The following CFAP299 variants were observed in gnomAD, a reference collection of about 807,000 sequenced individuals.
CFAP299 encodes cilia- and flagella-associated protein 299.
Under a neutral mutation model 27.0 loss-of-function variants are expected in CFAP299, and 21 were observed. That is an observed-to-expected ratio of 0.78 (90% CI 0.55 to 1.12). The LOEUF (loss-of-function observed/expected upper bound fraction) is 1.12. Among genes scored for constraint, CFAP299 ranks in the 50% most tolerant of loss-of-function variants. CFAP299 has a pLI of 0.00. For missense variants in CFAP299, 310 were observed against 276.6 expected (o/e 1.12, Z -0.86); for synonymous variants, 104 against 98.1 (o/e 1.06, Z -0.36).
At chr4:80,677,632 T>A (rs908073297) in intron 3 of CFAP299, among the ~76,000 whole-genome samples, 1 of 152,056 alleles carries the variant, frequency 6.6e-6, no homozygotes, top group Non-Finnish European at 1.5e-5. Context: ...AGAATTGGCA[T>A]TGACGGAAAA....
intron 3 of CFAP299, among the ~76,000 whole-genome samples, chr4:80,698,574 T>A (rs1194315003): frequency 6.6e-6 from 1 of 152,224 alleles, no homozygotes; most frequent in Non-Finnish European, 1.5e-5. Flanking sequence ...TCACAATATA[T>A]CCTGCAAAAT....
chr4:80,446,540 C>A (rs1248086463), intron 2 of CFAP299, among the ~76,000 whole-genome samples: 1 of 152,190 alleles, frequency 6.6e-6, no homozygotes, highest in Non-Finnish European at 1.5e-5. Flanking sequence ...TTATCCTTTT[C>A]ACTGTCATTT....
At chr4:80,614,309 C>G (rs1044674356) in intron 3 of CFAP299, among the ~76,000 whole-genome samples, 1 of 152,092 alleles carries the variant, frequency 6.6e-6, no homozygotes, top group Non-Finnish European at 1.5e-5. Context: ...TGAAAGTGTC[C>G]TAAGAGGTGA....
At chr4:80,861,205 C>A (rs1732326935) in intron 3 of CFAP299, among the ~76,000 whole-genome samples, 1 of 152,184 alleles carries the variant, frequency 6.6e-6, no homozygotes, top group Non-Finnish European at 1.5e-5. Context: ...GGTGTAGGAC[C>A]CTCCGAGCCA....
At chr4:80,851,573 G>A (rs1468477222) in intron 3 of CFAP299, among the ~76,000 whole-genome samples, 1 of 152,124 alleles carries the variant, frequency 6.6e-6, no homozygotes, top group Admixed American at 6.6e-5. Flanking sequence ...GAACATCAGG[G>A]TATTTGGGCA....
At chr4:80,759,313 C>T (rs1310275608) in intron 3 of CFAP299, among the ~76,000 whole-genome samples, 2 of 152,076 alleles carry the variant, frequency 1.3e-5, no homozygotes, top group Non-Finnish European at 2.9e-5. Context: ...ACAATAACTA[C>T]ATGGCAAAAT....
At chr4:80,957,113 A>C (rs552354373) in intron 5 of CFAP299, among the ~76,000 whole-genome samples, 125 of 152,270 alleles carry the variant, frequency 8.2e-4, no homozygotes, top group African/African-American at 2.5e-3. Flanking sequence ...TGGTAGAATA[A>C]GGTTAGAATC....
intron 3 of CFAP299, among the ~76,000 whole-genome samples, chr4:80,688,182 C>A (rs1268672027): frequency 6.6e-6 from 1 of 152,242 alleles, no homozygotes; most frequent in Admixed American, 6.5e-5. Flanking sequence ...CAGAGTGGAA[C>A]CCACCACAGC....
chr4:80,787,970 G>A (rs763169952), intron 3 of CFAP299, among the ~76,000 whole-genome samples: 5 of 151,802 alleles, frequency 3.3e-5, no homozygotes, highest in Non-Finnish European at 5.9e-5. Context: ...CTAAGCTACC[G>A]GTTCTCAAAC....
At chr4:80,835,306 G>C (rs1730503102) in intron 3 of CFAP299, among the ~76,000 whole-genome samples, 1 of 151,946 alleles carries the variant, frequency 6.6e-6, no homozygotes, top group African/African-American at 2.4e-5. Context: ...CACCATGTTA[G>C]CCAGGGTGGT....
At chr4:80,848,072 G>A (rs999583364) in intron 3 of CFAP299, among the ~76,000 whole-genome samples, 1 of 151,944 alleles carries the variant, frequency 6.6e-6, no homozygotes, top group Non-Finnish European at 1.5e-5. Context: ...TTAGCTGAGT[G>A]TGGTGGTGTG....
Position 80,848,994 on chromosome 4 carries a change from TTTTTC to T in CFAP299, c.334-20995_334-20991del, listed in dbSNP as rs1204141022. On this transcript the variant is annotated intron_variant, in intron 3 of 5. Transcript: ENST00000358105. ...GTGACACTAAATTTATAGAACAACA[TTTTTC>T]TTTCTTCTATAATAAATTCACCTTA... Among the ~76,000 whole-genome samples the T allele has an allele frequency of 3.3e-5, 5 of 152,078 alleles. No individual in the cohort carries two copies. In the East Asian group the frequency reaches 9.6e-4, roughly 29 times the overall value.
At chr4:80,429,138 C>T (rs1019029020) in intron 2 of CFAP299, among the ~76,000 whole-genome samples, 3 of 152,156 alleles carry the variant, frequency 2.0e-5, no homozygotes, top group African/African-American at 7.2e-5. Context: ...TTCCATACAT[C>T]CCACCCAGTA....
intron 1 of CFAP299, among the ~76,000 whole-genome samples, chr4:80,355,850 C>T (rs1243866676): frequency 6.6e-6 from 1 of 152,146 alleles, no homozygotes; most frequent in Non-Finnish European, 1.5e-5. Flanking sequence ...AATTAAATCT[C>T]ATTTGTCAAT....
chr4:80,368,410 A>G (rs1723951438), intron 2 of CFAP299, among the ~76,000 whole-genome samples: 1 of 152,174 alleles, frequency 6.6e-6, no homozygotes, highest in Non-Finnish European at 1.5e-5. Flanking sequence ...ATGCTATTCA[A>G]TCTAGTTAAT....
chr4:80,475,992 C>T (rs934002682), intron 2 of CFAP299, among the ~76,000 whole-genome samples: 12 of 152,138 alleles, frequency 7.9e-5, no homozygotes, highest in Admixed American at 6.5e-4. Flanking sequence ...TCCAGTGAGG[C>T]CAAGTAGTCT....
At position 80,962,738 on chromosome 4, in the gene CFAP299, C is replaced by T. The variant is rs1274394365; in HGVS notation, c.607-779C>T. Among the ~76,000 whole-genome samples the T allele has an allele frequency of 2.0e-5, 3 of 152,018 alleles. No homozygotes were observed. In the East Asian group the frequency reaches 5.8e-4, roughly 29 times the overall value. ...AATTCTAAATTTCTAATTATCTCTT[C>T]TTAGAAGAGAGAGCAAATAATATCA... On this transcript the variant is annotated intron_variant, in intron 5 of 5. Coordinates refer to ENST00000358105, the MANE Select transcript of CFAP299 (RefSeq NM_152770.3).
At chr4:80,662,317 T>G (rs765124941) in intron 3 of CFAP299, among the ~76,000 whole-genome samples, 1 of 152,016 alleles carries the variant, frequency 6.6e-6, no homozygotes, top group Non-Finnish European at 1.5e-5. Context: ...AAAATTTCTC[T>G]CTTTTGTACT....
chr4:80,918,490 G>A (rs1321758199), intron 4 of CFAP299, among the ~76,000 whole-genome samples: 3 of 152,192 alleles, frequency 2.0e-5, no homozygotes, highest in African/African-American at 7.2e-5. Context: ...ATGTTCATGT[G>A]GCAGTTAGGT....
Sources: gnomAD v4.1 joint callset for allele counts (sites outside exome capture counted in the v4.1 genomes callset) on GRCh38, gnomAD v4.1.1 for gene constraint, MANE v1.5 for transcripts, NCBI Gene and HGNC (gene_info 2026-07-23, HGNC 2026-07-21) for gene names.